Variants in LRRC4B observed in about 807,000 individuals in gnomAD.
LRRC4B encodes leucine rich repeat containing 4B.
Under a neutral mutation model 7.3 loss-of-function variants are expected in LRRC4B, and 1 was observed. The observed-to-expected ratio is 0.14, with a 90% CI of 0.05 to 0.65. The LOEUF is 0.65. LRRC4B is among the 30% of genes least tolerant of loss of function. The pLI is 0.84. For synonymous variants in LRRC4B, 500 were observed against 499.2 expected (o/e 1.00, Z -0.02); for missense variants, 730 against 1,041.6 (o/e 0.70, Z 4.12).
At chr19:50,546,726 T>C (rs1379264165) in intron 2 of LRRC4B, among the ~76,000 whole-genome samples, 1 of 152,134 alleles carries the variant, frequency 6.6e-6, no homozygotes, top group Non-Finnish European at 1.5e-5. Flanking sequence ...ACTGAATTGT[T>C]CACTGAGCCC....
intron 1 of LRRC4B, among the ~76,000 whole-genome samples, chr19:50,551,246 TGCCTCCG>T (rs1198123342): frequency 1.3e-5 from 2 of 148,344 alleles, no homozygotes; most frequent in Non-Finnish European, 1.5e-5. Context: ...CCCCTCCACA[TGCCTCCG>T]GCCAGCCGGG....
In LRRC4B at chr19:50,537,352, T is replaced by C. The variant is rs1335176828; in HGVS notation, c.297+11190A>G. Among the ~76,000 whole-genome samples the C allele has an allele frequency of 1.3e-5, 2 of 152,140 alleles. No homozygotes were observed. Among genetic ancestry groups the C allele is most frequent in the African/African-American group, 2.4e-5 (1 of 41,430 alleles). On this transcript the variant is annotated intron_variant, in intron 2 of 2. Transcript: ENST00000652263. The surrounding 1 kb of genome is among the most constrained non-coding windows in gnomAD (Gnocchi z 5.5). The stretch of plus-strand genomic sequence containing the variant: ...TCGTGAGGCTGAAATTCACTGACCC[T>C]GTAAAGGGCTTGGAGCAATGCTGGG...
intron 1 of LRRC4B, among the ~76,000 whole-genome samples, chr19:50,566,533 G>A (rs546354311): frequency 1.3e-5 from 2 of 151,220 alleles, no homozygotes; most frequent in South Asian, 4.2e-4. Flanking sequence ...GCAGAGGTGA[G>A]GAGGTCTGGG....
chr19:50,531,170 G>A (rs1032536913), intron 2 of LRRC4B, among the ~76,000 whole-genome samples: 1 of 152,190 alleles, frequency 6.6e-6, no homozygotes, highest in Non-Finnish European at 1.5e-5. Context: ...TGCAGCTCCC[G>A]GAGCCTCTGC....
rs991755753 is a variant in LRRC4B, at chr19:50,517,553, C to G, written c.*18G>C. The G allele has an allele frequency of 9.9e-6, 14 of 1,415,486 alleles. No individual in the cohort carries two copies. The highest frequency in any genetic ancestry group is 1.3e-5 in the Non-Finnish European group (14 of 1,084,358). 87.7% of individuals were successfully genotyped at this position (1,415,486 alleles called of 1,614,324 possible). A position where few individuals can be genotyped will look rare whatever the true frequency, so the allele number is the denominator to read the frequency against. ...GGGTGGGGGGCTCCACGCCCCTCGC[C>G]CGCCCGGCCCCGCCGCCTCAGATCT... On this transcript the variant is annotated 3_prime_UTR_variant, in exon 3 of 3. Coordinates refer to ENST00000652263, the MANE Select transcript of LRRC4B (RefSeq NM_001080457.2). The surrounding 1 kb of genome is among the most constrained non-coding windows in gnomAD (Gnocchi z 6.6).
chr19:50,564,300 G>A (rs1419737592), intron 1 of LRRC4B, among the ~76,000 whole-genome samples: 2 of 152,078 alleles, frequency 1.3e-5, no homozygotes, highest in Admixed American at 6.5e-5. Flanking sequence ...AGCACTGGGG[G>A]AAAATAACCC....
In LRRC4B at chr19:50,537,397, C is replaced by T. The variant is rs1354565979; in HGVS notation, c.297+11145G>A. ...GCTGGGGGCCCGACTGACATTCTCCCGCCCACCCTCGCTGAGCTGTAGAAA... is the reference window on the plus strand; with the variant it reads ...GCTGGGGGCCCGACTGACATTCTCCTGCCCACCCTCGCTGAGCTGTAGAAA... On this transcript the variant is annotated intron_variant, in intron 2 of 2. Transcript: ENST00000652263. This position sits in a 1 kb window ranked among gnomAD's most constrained non-coding sequence, Gnocchi z 5.5. Among the ~76,000 whole-genome samples, 5 of 152,318 alleles carry T rather than the reference C, an allele frequency of 3.3e-5. No homozygotes were observed. Among genetic ancestry groups the T allele is most frequent in the East Asian group, 3.9e-4 (2 of 5,178 alleles).
intron 1 of LRRC4B, among the ~76,000 whole-genome samples, chr19:50,558,868 GC>G (rs769796446): frequency 1.3e-5 from 2 of 152,230 alleles, no homozygotes; most frequent in African/African-American, 2.4e-5. Context: ...TCATGGAGAA[GC>G]CAGGGAGATC....
intron 2 of LRRC4B, among the ~76,000 whole-genome samples, chr19:50,544,483 G>A (rs1273874377): frequency 6.6e-6 from 1 of 151,386 alleles, no homozygotes; most frequent in Non-Finnish European, 1.5e-5. Context: ...CTCCAGCCTG[G>A]GCGACAGAGC....
chr19:50,564,727 T>G (rs1375190395), intron 1 of LRRC4B, among the ~76,000 whole-genome samples: 1 of 150,772 alleles, frequency 6.6e-6, no homozygotes, highest in African/African-American at 2.4e-5. Context: ...TGAGAAGGGA[T>G]GAAATGCAGG....
At chr19:50,526,346 G>A (rs1422809382) in intron 2 of LRRC4B, among the ~76,000 whole-genome samples, 4 of 152,060 alleles carry the variant, frequency 2.6e-5, no homozygotes, top group Admixed American at 2.0e-4. Flanking sequence ...ATACCTCCCT[G>A]CATCTGTCCT....
chr19:50,549,023 A>C, intron 1 of LRRC4B, 150 bp from the exon 2 acceptor site: 1 of 563,294 alleles, frequency 1.8e-6, no homozygotes, highest in Non-Finnish European at 3.1e-6. Context: ...CTGCCGATGG[A>C]CCCACCCAGC....
rs1350742872 is a variant in LRRC4B at position 50,553,523 on chromosome 19, A to G, written c.-35-4650T>C. 6.6e-6 allele frequency among the ~76,000 whole-genome samples: 1 copy of G among 152,150 alleles called. No individual in the cohort carries two copies. The highest frequency in any genetic ancestry group is 6.5e-5 in the Admixed American group (1 of 15,284). On this transcript the variant is annotated intron_variant, in intron 1 of 2. Transcript: ENST00000652263. This position sits in a 1 kb window ranked among gnomAD's most constrained non-coding sequence, Gnocchi z 4.2. The stretch of plus-strand genomic sequence containing the variant: ...GGAATGCTCTTTGCCGGTTGTCCAC[A>G]GGGCTCTTGCCCTGCTCTCTATCAG...
chr19:50,558,525 G>T (rs73586701), intron 1 of LRRC4B, among the ~76,000 whole-genome samples: 1 of 152,164 alleles, frequency 6.6e-6, no homozygotes, highest in Non-Finnish European at 1.5e-5. Flanking sequence ...CACGGCACCC[G>T]GCTGTATTTC....
chr19:50,519,982 C>A lies in LRRC4B; in HGVS notation c.298-567G>T, dbSNP rs184606323. On this transcript the variant is annotated intron_variant, in intron 2 of 2. Coordinates refer to ENST00000652263, the MANE Select transcript of LRRC4B (RefSeq NM_001080457.2). The surrounding 1 kb of genome is among the most constrained non-coding windows in gnomAD (Gnocchi z 8.1). ...GGCTGAGGTGGGCAGATCACTTGAA[C>A]CCAGGAGATCAAGATCAGACTGGGC... 6.6e-6 allele frequency among the ~76,000 whole-genome samples: 1 copy of A among 151,108 alleles called. No homozygotes were observed. Among genetic ancestry groups the A allele is most frequent in the African/African-American group, 2.4e-5 (1 of 41,088 alleles).
rs1395804873 is a variant in LRRC4B at position 50,548,687 on chromosome 19, G to A, written c.152C>T (p.Ser51Phe). ...VAVTSAAGGGSPPATSCPVAC... is the reference protein window; with the variant it reads ...VAVTSAAGGGFPPATSCPVAC... ...CACGGGGCAGGAGGTGGCCGGCGGG[G>A]AGCCCCCTCCGGCGGCAGACGTCAC... Residue 51 changes from serine to phenylalanine, a missense_variant, in exon 2 of 3, where the codon TCC (serine) becomes TTC (phenylalanine). This residue lies in a region of LRRC4B where 143 missense variants were observed against 158.4 expected (regional missense o/e 0.90). Coordinates refer to ENST00000652263, the MANE Select transcript of LRRC4B (RefSeq NM_001080457.2). This position sits in a 1 kb window ranked among gnomAD's most constrained non-coding sequence, Gnocchi z 6.8. 4 of 1,551,530 alleles carry A rather than the reference G, an allele frequency of 2.6e-6. No homozygotes were observed. Among genetic ancestry groups the A allele is most frequent in the Non-Finnish European group, 2.6e-6 (3 of 1,151,772 alleles).
intron 1 of LRRC4B, among the ~76,000 whole-genome samples, chr19:50,550,068 T>C (rs540802304): frequency 2.0e-5 from 3 of 152,248 alleles, no homozygotes; most frequent in Admixed American, 2.0e-4. Context: ...GAACACTGGG[T>C]GAGCCCTTGC....
Position 50,518,027 on chromosome 19 carries a change from C to T in LRRC4B, c.1686G>A (p.Glu562=). ...CGTCGTCCAGGTCCTTGAGGGCGTT[C>T]TCCGTCACATCCGTGATGGGCACCG... The part of the protein sequence containing the change: ...AFTVPITDVT[E]NALKDLDDVM... Residue 562 remains glutamate, a synonymous_variant, in exon 3 of 3, where the codon GAG becomes GAA. Transcript: ENST00000652263. 1 of 1,554,474 alleles carries T rather than the reference C, an allele frequency of 6.4e-7. No individual in the cohort carries two copies. The highest frequency in any genetic ancestry group is 1.2e-5 in the South Asian group (1 of 81,784).
intron 2 of LRRC4B, among the ~76,000 whole-genome samples, chr19:50,536,684 G>A (rs531375170): frequency 2.0e-5 from 3 of 152,218 alleles, no homozygotes; most frequent in African/African-American, 4.8e-5. Flanking sequence ...GGGTGGTGAC[G>A]AGACCACGGC....
Sources: gnomAD v4.1 joint callset for allele counts (sites outside exome capture counted in the v4.1 genomes callset) on GRCh38, gnomAD v4.1.1 for gene constraint, gnomAD v4.1.1 regional missense constraint, Gnocchi (gnomAD v3.1) non-coding constraint, MANE v1.5 for transcripts, NCBI Gene and HGNC (gene_info 2026-07-23, HGNC 2026-07-21) for gene names.